Variants in PDE4D observed in about 807,000 individuals in gnomAD.
PDE4D encodes the protein phosphodiesterase 4D, also known as 3',5'-cyclic-AMP phosphodiesterase 4D.
A neutral mutation model predicts 87.4 loss-of-function variants in PDE4D; 24 were observed. The observed-to-expected ratio is 0.27, with a 90% confidence interval of 0.20 to 0.39. PDE4D has a LOEUF of 0.39. PDE4D is among the 10% of genes least tolerant of loss of function. The pLI, the probability that PDE4D is intolerant of heterozygous loss-of-function variation, is 1.00. For synonymous variants in PDE4D, 384 were observed against 383.2 expected (o/e 1.00, Z -0.02); for missense variants, 714 against 1,041.0 (o/e 0.69, Z 4.32).
At chr5:59,267,813 T>G (rs1763099196) in intron 1 of PDE4D, among the ~76,000 whole-genome samples, 1 of 152,120 alleles carries the variant, frequency 6.6e-6, no homozygotes, top group Admixed American at 6.6e-5. Context: ...GTGCATACAT[T>G]CTACACCTAG....
At chr5:59,711,071 T>C (rs961454109) in intron 1 of PDE4D, among the ~76,000 whole-genome samples, 4 of 152,154 alleles carry the variant, frequency 2.6e-5, no homozygotes, top group African/African-American at 9.6e-5. Context: ...TCTTCTCTAA[T>C]AGGACCTGCA....
rs539110281 is a variant in PDE4D at position 60,370,827 on chromosome 5, ATG to A, written c.-90+117113_-90+117114del. ...TAAGAGAGAGGGAGGGAGAGAGAAA[ATG>A]AGAGAGAGAGAGGGAAGGAGAGAGA... On this transcript the variant is annotated intron_variant, in intron 1 of 16. Transcript: ENST00000502484. 5.1e-3 allele frequency among the ~76,000 whole-genome samples: 777 copies of A among 151,832 alleles called. 3 individuals are homozygous for A. Among genetic ancestry groups the A allele is most frequent in the Middle Eastern group, 0.017 (5 of 292 alleles).
chr5:59,564,944 T>A (rs1265706448), intron 1 of PDE4D, among the ~76,000 whole-genome samples: 2 of 151,342 alleles, frequency 1.3e-5, no homozygotes, highest in Non-Finnish European at 2.9e-5. Flanking sequence ...AAGAGGAGGG[T>A]CTCACCAGGC....
At chr5:59,457,952 A>G (rs1468524155) in intron 1 of PDE4D, among the ~76,000 whole-genome samples, 2 of 152,154 alleles carry the variant, frequency 1.3e-5, no homozygotes, top group Non-Finnish European at 2.9e-5. Flanking sequence ...ATAAGACAAG[A>G]AAATAACGAC....
At chr5:59,037,730 C>G (rs1470788847) in intron 6 of PDE4D, among the ~76,000 whole-genome samples, 1 of 152,102 alleles carries the variant, frequency 6.6e-6, no homozygotes, top group Non-Finnish European at 1.5e-5. Flanking sequence ...GACAATGCTA[C>G]CTACAAAAGC....
At chr5:59,368,974 C>T (rs772006004) in intron 1 of PDE4D, among the ~76,000 whole-genome samples, 1 of 152,160 alleles carries the variant, frequency 6.6e-6, no homozygotes, top group Non-Finnish European at 1.5e-5. Context: ...CCTCCATAAC[C>T]GCTACAAGGT....
chr5:59,592,210 C>T (rs1429630137), intron 1 of PDE4D: 24 of 863,266 alleles, frequency 2.8e-5, no homozygotes, highest in Non-Finnish European at 3.2e-5. Context: ...ATTGTTGGTA[C>T]TCAGTCAATG....
At chr5:59,432,390 A>G (rs1354067584) in intron 1 of PDE4D, among the ~76,000 whole-genome samples, 1 of 152,104 alleles carries the variant, frequency 6.6e-6, no homozygotes, top group Non-Finnish European at 1.5e-5. Context: ...TGAGTCCTTT[A>G]TTGACGGACA....
chr5:60,067,691 C>T (rs1772258001), intron 2 of PDE4D, among the ~76,000 whole-genome samples: 1 of 151,950 alleles, frequency 6.6e-6, no homozygotes, highest in Non-Finnish European at 1.5e-5. Context: ...AACTTTACGC[C>T]CATTGTTTAG....
intron 1 of PDE4D, among the ~76,000 whole-genome samples, chr5:59,554,864 T>C (rs1169195059): frequency 4.6e-5 from 7 of 152,158 alleles, no homozygotes; most frequent in African/African-American, 1.7e-4. Context: ...AATAATCATC[T>C]GAAGAAATGT....
chr5:59,909,430 C>G (rs1320336435), intron 3 of PDE4D, among the ~76,000 whole-genome samples: 8 of 151,810 alleles, frequency 5.3e-5, no homozygotes, highest in African/African-American at 1.5e-4. Flanking sequence ...GGGTCTTGCT[C>G]TGTTACCCAG....
chr5:59,044,503 C>T (rs757817364), intron 5 of PDE4D, among the ~76,000 whole-genome samples: 2 of 152,116 alleles, frequency 1.3e-5, no homozygotes, highest in East Asian at 1.9e-4. Context: ...TCTGTTTCAC[C>T]GTGTATTGCT....
chr5:59,478,171 A>G (rs1055575367), intron 1 of PDE4D, among the ~76,000 whole-genome samples: 3 of 152,098 alleles, frequency 2.0e-5, no homozygotes, highest in Non-Finnish European at 4.4e-5. Context: ...AAACCTGCAC[A>G]TGTGCCCCCT....
intron 1 of PDE4D, among the ~76,000 whole-genome samples, chr5:59,713,253 T>C: frequency 6.6e-6 from 1 of 152,212 alleles, no homozygotes; most frequent in Non-Finnish European, 1.5e-5. Flanking sequence ...AAGGAAAATG[T>C]ATGCGCTGCA....
intron 1 of PDE4D, among the ~76,000 whole-genome samples, chr5:59,813,886 TATCTAAGGCA>T (rs1321551226): frequency 7.9e-5 from 12 of 152,196 alleles, no homozygotes; most frequent in Non-Finnish European, 1.5e-5. Flanking sequence ...TCCCTTAATG[TATCTAAGGCA>T]CAGCTGAAAT....
chr5:59,893,936 C>G, upstream of PDE4D: 2 of 576,084 alleles, frequency 3.5e-6, no homozygotes, highest in Non-Finnish European at 4.8e-6. Context: ...CCTTCTTCCT[C>G]CCTTTCTTCT....
rs115477103 is a variant in PDE4D at position 59,555,750 on chromosome 5, T to C, written c.455+337418A>G. On this transcript the variant is annotated intron_variant, in intron 1 of 14. Coordinates refer to ENST00000340635, the MANE Select transcript of PDE4D (RefSeq NM_001104631.2). ...CAAGCAAACAGCATCACTGACACCA[T>C]TGACAGTTTGGGATTCCAAGGTGGC... is the stretch of plus-strand genomic sequence containing the variant. 6.4e-3 allele frequency among the ~76,000 whole-genome samples: 975 copies of C among 152,264 alleles called. 9 individuals are homozygous for C. Among genetic ancestry groups the C allele is most frequent in the African/African-American group, 0.023 (941 of 41,556 alleles).
chr5:59,636,138 C>A (rs1015451543), intron 1 of PDE4D, among the ~76,000 whole-genome samples: 1 of 152,032 alleles, frequency 6.6e-6, no homozygotes, highest in Non-Finnish European at 1.5e-5. Flanking sequence ...ACAATTGCAA[C>A]AAAAAGAAGA....
chr5:59,648,015 T>G (rs1580138006), intron 1 of PDE4D, among the ~76,000 whole-genome samples: 1 of 152,184 alleles, frequency 6.6e-6, no homozygotes, highest in African/African-American at 2.4e-5. Flanking sequence ...TCTGTGTGAT[T>G]ATGTATATAT....
Sources: allele counts gnomAD v4.1 joint callset (sites outside exome capture counted in the v4.1 genomes callset), GRCh38; gene constraint gnomAD v4.1.1; transcripts MANE v1.5; gene names NCBI Gene and HGNC (gene_info 2026-07-23, HGNC 2026-07-21).